The following NFASC variants were observed in gnomAD, a reference collection of about 807,000 sequenced individuals.
NFASC encodes neurofascin homolog.
In NFASC, 43 loss-of-function variants were observed where a neutral mutation model predicts 147.5. That is an observed-to-expected ratio of 0.29 (90% CI 0.23 to 0.38). NFASC has a LOEUF of 0.38. Ranked by LOEUF, NFASC falls within the 10% of genes least tolerant of loss-of-function variation. NFASC has a pLI of 1.00. For missense variants in NFASC, 1,320 were observed against 1,689.0 expected, an observed-to-expected ratio of 0.78 and a Z score of 3.83; for synonymous variants, 622 against 665.5, an observed-to-expected ratio of 0.93 and a Z score of 1.01.
chr1:204,977,406 G>A (rs535018436), intron 16 of NFASC, among the ~76,000 whole-genome samples: 6 of 152,298 alleles, frequency 3.9e-5, no homozygotes, highest in African/African-American at 7.2e-5. Context: ...TAGCATTGGC[G>A]CAGTGGAGAG....
chr1:204,894,543 C>T (rs1430309500), intron 1 of NFASC, among the ~76,000 whole-genome samples: 1 of 152,208 alleles, frequency 6.6e-6, no homozygotes, highest in Non-Finnish European at 1.5e-5. Flanking sequence ...GTAGATCCTT[C>T]TGCCTACCAC....
intron 1 of NFASC, among the ~76,000 whole-genome samples, chr1:204,882,689 G>A (rs2080508638): frequency 6.6e-6 from 1 of 152,124 alleles, no homozygotes; most frequent in Admixed American, 6.5e-5. Context: ...GCACCTGTGA[G>A]GCCCTCGGTA....
chr1:204,866,531 C>T (rs1055010966), intron 1 of NFASC, among the ~76,000 whole-genome samples: 1 of 152,196 alleles, frequency 6.6e-6, no homozygotes, highest in East Asian at 1.9e-4. Flanking sequence ...AAAGGCTTTT[C>T]CCAGCCCTAC....
chr1:204,902,144 A>G lies in NFASC; in HGVS notation c.-199-18488A>G, dbSNP rs183142503. ...CCCCGTCTCTACAACAAGTTTTAAA[A>G]ATTAGTTGGGCATGGTGATACACAC... On this transcript the variant is annotated intron_variant, in intron 1 of 29. Transcript: ENST00000339876. 1.1e-3 allele frequency among the ~76,000 whole-genome samples: 175 copies of G among 152,226 alleles called. 1 individual carries two copies. The highest frequency in any genetic ancestry group is 4.2e-3 in the African/African-American group (173 of 41,520).
chr1:204,923,811 C>T (rs997936965), intron 2 of NFASC, among the ~76,000 whole-genome samples: 1 of 152,094 alleles, frequency 6.6e-6, no homozygotes, highest in African/African-American at 2.4e-5. Context: ...TGAGTGTCAA[C>T]GGTGAAAGCT....
At chr1:204,902,524 G>A (rs1194413434) in intron 1 of NFASC, among the ~76,000 whole-genome samples, 2 of 152,028 alleles carry the variant, frequency 1.3e-5, no homozygotes, top group East Asian at 3.8e-4. Flanking sequence ...TTGTAACAGA[G>A]TCATTGTCTT....
chr1:204,974,833 AG>A lies in NFASC; in HGVS notation c.1558+13del, dbSNP rs148965644. On this transcript the variant is annotated intron_variant, in intron 14 of 29. Coordinates refer to ENST00000339876, the MANE Select transcript of NFASC (RefSeq NM_001005388.3). ...CGCCTGGAGGTCAAAGGTAAAGGAGAGGGTTCGCCAGTGGGAGTTTGGAGAG... is the reference window on the plus strand; with the variant it reads ...CGCCTGGAGGTCAAAGGTAAAGGAGAGGTTCGCCAGTGGGAGTTTGGAGAG... 3.6e-3 allele frequency: 5,786 copies of A among 1,613,404 alleles called. 168 individuals are homozygous for A. The African/African-American group carries it at 0.064, about 18-fold the overall frequency.
Position 204,877,967 on chromosome 1 carries a change from A to T in NFASC, c.-199-42665A>T, listed in dbSNP as rs529278245. Reference sequence around the variant, plus strand: ...TCAAACACTGCAGCCCTTGATGGGTACTTCCGGACCCAGGCTTCCCAGGCA... The same window carrying T: ...TCAAACACTGCAGCCCTTGATGGGTTCTTCCGGACCCAGGCTTCCCAGGCA... On this transcript the variant is annotated intron_variant, in intron 1 of 29. Transcript: ENST00000339876. Among the ~76,000 whole-genome samples the T allele has an allele frequency of 3.9e-5, 6 of 152,272 alleles. No homozygotes were observed. The East Asian group carries it at 1.2e-3, about 29-fold the overall frequency.
chr1:204,976,068 T>C (rs1160387677), intron 15 of NFASC, among the ~76,000 whole-genome samples: 2 of 152,192 alleles, frequency 1.3e-5, no homozygotes, highest in African/African-American at 2.4e-5. Context: ...AGCAAAGTTG[T>C]GCAGGGCCCT....
intron 2 of NFASC, among the ~76,000 whole-genome samples, chr1:204,924,385 A>T (rs2091119812): frequency 6.6e-6 from 1 of 152,232 alleles, no homozygotes; most frequent in East Asian, 1.9e-4. Context: ...ACAGGAATTT[A>T]AAAAATGCAA....
At chr1:204,995,345 TGTGTGTGTATGTGTGTCG>T (rs1325497784) in intron 24 of NFASC, among the ~76,000 whole-genome samples, 4 of 149,788 alleles carry the variant, frequency 2.7e-5, no homozygotes, top group African/African-American at 1.0e-4. Context: ...TGTGTGTGTG[TGTGTGTGTATGTGTGTCG>T]GTGGGTGGGG....
rs746844509 is a variant in NFASC at position 204,952,097 on chromosome 1, A to G, written c.196A>G (p.Lys66Glu). Residue 66 changes from lysine (K) to glutamate (E), a missense_variant, in exon 5 of 30, where the codon AAA becomes GAA. By Grantham distance (56) the Lys-to-Glu change is moderately conservative. Coordinates refer to ENST00000339876, the MANE Select transcript of NFASC (RefSeq NM_001005388.3). ...RDNILIECEA[K>E]GNPAPSFHWT... The stretch of plus-strand genomic sequence containing the variant: ...TAACATCCTGATTGAGTGTGAAGCA[A>G]AAGGGAACCCTGCCCCCAGGTGAGT... The G allele has an allele frequency of 1.2e-6, 2 of 1,613,908 alleles. No homozygotes were observed. The highest frequency in any genetic ancestry group is 1.7e-5 in the Admixed American group (1 of 60,016).
At chr1:204,991,387 G>A in intron 24 of NFASC, 81 bp downstream of exon 24, 1 of 1,448,610 alleles carries the variant, frequency 6.9e-7, no homozygotes, top group Non-Finnish European at 9.6e-7. Context: ...CGGACAAGGA[G>A]GGAGAGGCTC....
chr1:204,970,584 A>C (rs779562593), intron 10 of NFASC, 32 bp from the exon 11 acceptor site: 1 of 1,612,386 alleles, frequency 6.2e-7, no homozygotes, highest in South Asian at 1.1e-5. Flanking sequence ...ATGCCATCTA[A>C]CTCCCCTGCC....
At chr1:204,871,796 T>C (rs1331848626) in intron 1 of NFASC, among the ~76,000 whole-genome samples, 1 of 152,212 alleles carries the variant, frequency 6.6e-6, no homozygotes, top group Non-Finnish European at 1.5e-5. Context: ...CCACACAGGC[T>C]TATGTCACCT....
At chr1:205,001,407 T>A in intron 26 of NFASC, 121 bp downstream of exon 26, 3 of 670,796 alleles carry the variant, frequency 4.5e-6, no homozygotes, top group Non-Finnish European at 8.2e-6. Flanking sequence ...CCTTTTAGCC[T>A]GGCTTAATTA....
intron 5 of NFASC, among the ~76,000 whole-genome samples, chr1:204,953,066 T>C (rs1396320626): frequency 1.3e-5 from 2 of 152,216 alleles, no homozygotes; most frequent in African/African-American, 2.4e-5. Context: ...CTTTCCCCCA[T>C]GGTTCCTTTG....
chr1:204,927,681 A>C (rs548012521), intron 2 of NFASC, among the ~76,000 whole-genome samples: 3 of 151,896 alleles, frequency 2.0e-5, no homozygotes, highest in African/African-American at 7.3e-5. Flanking sequence ...GGGACCTGTC[A>C]CACAAGATTA....
rs1316159017 is a variant in NFASC, at chr1:204,944,300, G to C, written c.-16G>C. The C allele has an allele frequency of 6.2e-7, 1 of 1,612,358 alleles. No individual in the cohort carries two copies. Among genetic ancestry groups the C allele is most frequent in the Non-Finnish European group, 8.5e-7 (1 of 1,179,452 alleles). ...CCCGAGTGCTGGGGAGCAGGGAGCA[G>C]GGCCAGGTGCCGAGGATGGCCAGGC... On this transcript the variant is annotated 5_prime_UTR_variant, in exon 3 of 30. Coordinates refer to ENST00000339876, the MANE Select transcript of NFASC (RefSeq NM_001005388.3).
Sources: allele counts gnomAD v4.1 joint callset (sites outside exome capture counted in the v4.1 genomes callset), GRCh38; gene constraint gnomAD v4.1.1; transcripts MANE v1.5; gene names NCBI Gene and HGNC (gene_info 2026-07-23, HGNC 2026-07-21).